Variants in TSKU observed in about 807,000 individuals in gnomAD.
TSKU encodes the protein tsukushi, small leucine rich proteoglycan.
A neutral mutation model predicts 11.2 loss-of-function variants in TSKU; 4 were observed. The observed-to-expected ratio is 0.36, with a 90% CI of 0.18 to 0.82. The LOEUF (loss-of-function observed/expected upper bound fraction) is 0.82, where lower values mean the gene tolerates loss of function less well. Ranked by LOEUF, TSKU falls within the 40% of genes least tolerant of loss-of-function variation. TSKU has a pLI of 0.50. For synonymous variants in TSKU, 220 were observed against 232.2 expected, an observed-to-expected ratio of 0.95 and a Z score of 0.48; for missense variants, 407 against 482.5, an observed-to-expected ratio of 0.84 and a Z score of 1.47.
In TSKU at chr11:76,797,525, G is replaced by C. The variant is rs78040185; in HGVS notation, c.*847G>C. 0.017 allele frequency: 2,909 copies of C among 167,302 alleles called. 69 individuals are homozygous for C. Among genetic ancestry groups the C allele is most frequent in the East Asian group, 0.062 (320 of 5,190 alleles). 10.4% of individuals were successfully genotyped at this position (167,302 alleles called of 1,614,324 possible). A position where few individuals can be genotyped will look rare whatever the true frequency, so the allele number is the denominator to read the frequency against. ...GCCCTTCGGAGCCTCTGGAAGCTTAGGGCACATTGGTTCCAGCCTAGCCAG... is the reference window on the plus strand; with the variant it reads ...GCCCTTCGGAGCCTCTGGAAGCTTACGGCACATTGGTTCCAGCCTAGCCAG... On this transcript the variant is annotated 3_prime_UTR_variant, in exon 2 of 2. Transcript: ENST00000333090.
At chr11:76,791,077 A>G (rs1426682488) in intron 1 of TSKU, among the ~76,000 whole-genome samples, 2 of 152,214 alleles carry the variant, frequency 1.3e-5, no homozygotes, top group African/African-American at 4.8e-5. Flanking sequence ...GTTATGTTTT[A>G]GCAAAGAGAT....
intron 1 of TSKU, chr11:76,792,383 G>C (rs1307860303): frequency 6.6e-6 from 1 of 152,198 alleles, no homozygotes; most frequent in African/African-American, 2.4e-5. Flanking sequence ...TTGGACTGTG[G>C]ACTTTTGGGT....
At position 76,795,859 on chromosome 11, in the gene TSKU, G is replaced by A. The variant is rs143740250; in HGVS notation, c.243G>A (p.Pro81=). 45 of 1,613,658 alleles carry A rather than the reference G, an allele frequency of 2.8e-5. No homozygotes were observed. The highest frequency in any genetic ancestry group is 3.3e-4 in the Middle Eastern group (2 of 6,082). Residue 81 remains proline (P), a synonymous_variant, in exon 2 of 2, where the codon CCG becomes CCA. Transcript: ENST00000333090. Reference sequence around the variant, plus strand: ...TGAATGAGTCGGTGTTGGCGGGGCCGGGCTACACGACGTTGGCTGGCCTGG... The same window carrying A: ...TGAATGAGTCGGTGTTGGCGGGGCCAGGCTACACGACGTTGGCTGGCCTGG... ...EMVNESVLAG[P]GYTTLAGLDL...
chr11:76,793,405 G>A (rs11824342), intron 1 of TSKU, among the ~76,000 whole-genome samples: 5,635 of 152,312 alleles, frequency 0.037, 314 homozygotes, highest in African/African-American at 0.12. Flanking sequence ...GAGGGGCAGC[G>A]AGAGGTCCCC....
Position 76,796,783 on chromosome 11 carries a change from C to T in TSKU, c.*105C>T. ...CCAACACCAGTGGGGAGCCCGCAGG[C>T]CTATGTGGCAGCGTCACCACAGGAG... is the stretch of plus-strand genomic sequence containing the variant. On this transcript the variant is annotated 3_prime_UTR_variant, in exon 2 of 2. Transcript: ENST00000333090. The surrounding 1 kb of genome is among the most constrained non-coding windows in gnomAD (Gnocchi z 4.1). 3 of 891,516 alleles carry T rather than the reference C, an allele frequency of 3.4e-6. No homozygotes were observed. The highest frequency in any genetic ancestry group is 4.7e-6 in the Non-Finnish European group (3 of 635,606). 55.2% of individuals were successfully genotyped at this position (891,516 alleles called of 1,614,324 possible).
At chr11:76,790,808 A>G (rs970296488) in intron 1 of TSKU, among the ~76,000 whole-genome samples, 31 of 152,202 alleles carry the variant, frequency 2.0e-4, no homozygotes, top group African/African-American at 7.5e-4. Flanking sequence ...GTAAATTGGT[A>G]CCAGTAGAGT....
intron 1 of TSKU, among the ~76,000 whole-genome samples, chr11:76,785,319 A>G (rs539193692): frequency 4.6e-5 from 7 of 152,210 alleles, no homozygotes; most frequent in Non-Finnish European, 1.0e-4. Context: ...TTAAGAGTTC[A>G]TGCTTCAGTT....
In TSKU at chr11:76,796,936, T is replaced by C; in HGVS notation, c.*258T>C. 2.9e-6 allele frequency: 1 copy of C among 342,490 alleles called. No homozygotes were observed. 21.2% of individuals were successfully genotyped at this position (342,490 alleles called of 1,614,324 possible). ...GATGCCAAACCAGACTCGGGTCCCC[T>C]CCTGCTTCCCTTCCCCACTTATCCC... is the stretch of plus-strand genomic sequence containing the variant. On this transcript the variant is annotated 3_prime_UTR_variant, in exon 2 of 2. Transcript: ENST00000333090. This position sits in a 1 kb window ranked among gnomAD's most constrained non-coding sequence, Gnocchi z 4.1.
intron 1 of TSKU, among the ~76,000 whole-genome samples, chr11:76,788,223 C>G (rs1335593765): frequency 6.6e-6 from 1 of 151,896 alleles, no homozygotes; most frequent in Non-Finnish European, 1.5e-5. Flanking sequence ...GAGACAAAGG[C>G]CGGTCTCGGG....
intron 1 of TSKU, among the ~76,000 whole-genome samples, chr11:76,793,722 C>G (rs1005729223): frequency 6.6e-6 from 1 of 152,126 alleles, no homozygotes; most frequent in African/African-American, 2.4e-5. Context: ...TTGGAACACT[C>G]TGTCCTGCCT....
chr11:76,793,372 A>G (rs942818819), intron 1 of TSKU, among the ~76,000 whole-genome samples: 7 of 152,244 alleles, frequency 4.6e-5, no homozygotes, highest in African/African-American at 7.2e-5. Flanking sequence ...CCTGTAGTGC[A>G]GAGGACAAGG....
In TSKU at chr11:76,795,663, C is replaced by A; in HGVS notation, c.47C>A (p.Thr16Lys). ...CTGCTGGCCGTGAGTGGGGCCCAGA[C>A]AACCCGGCCATGCTTCCCCGGGTGC... ...LLLLAVSGAQ[T>K]TRPCFPGCQC... The change falls in exon 2 of 2, where the codon ACA becomes AAA. Residue 16 changes from threonine (T) to lysine (K), a missense_variant. Transcript: ENST00000333090. 1 of 1,613,778 alleles carries A rather than the reference C, an allele frequency of 6.2e-7. No homozygotes were observed. The highest frequency in any genetic ancestry group is 8.5e-7 in the Non-Finnish European group (1 of 1,180,016).
intron 1 of TSKU, among the ~76,000 whole-genome samples, chr11:76,795,280 C>T (rs1000352507): frequency 6.6e-6 from 1 of 152,218 alleles, no homozygotes; most frequent in Non-Finnish European, 1.5e-5. Flanking sequence ...ACACCCTAGG[C>T]AGGGATGGTG....
Position 76,796,002 on chromosome 11 carries a change from C to T in TSKU, c.386C>T (p.Thr129Ile), listed in dbSNP as rs749669632. 6.2e-7 allele frequency: 1 copy of T among 1,613,664 alleles called. No individual in the cohort carries two copies. The highest frequency in any genetic ancestry group is 8.5e-7 in the Non-Finnish European group (1 of 1,179,942). The change falls in exon 2 of 2, where the codon ACC (threonine) becomes ATC (isoleucine). Residue 129 changes from threonine to isoleucine, a missense_variant. By Grantham distance (89) the Thr-to-Ile change is moderately conservative. Coordinates refer to ENST00000333090, the MANE Select transcript of TSKU (RefSeq NM_015516.4). The surrounding 1 kb of genome is among the most constrained non-coding windows in gnomAD (Gnocchi z 4.1). ...ACAGCCCTGCCAGCCGAGAGCTTCACCAGCTCACCCCTGAGCGACGTGAAC... is the reference window on the plus strand; with the variant it reads ...ACAGCCCTGCCAGCCGAGAGCTTCATCAGCTCACCCCTGAGCGACGTGAAC... Reference protein sequence around the residue: ...GLTALPAESFTSSPLSDVNLS... With the variant: ...GLTALPAESFISSPLSDVNLS...
rs562159885 is a variant in TSKU, at chr11:76,788,205, A to G, written c.-9+4801A>G. Among the ~76,000 whole-genome samples, 21 of 150,856 alleles carry G rather than the reference A, an allele frequency of 1.4e-4. 1 individual carries two copies. The highest frequency in any genetic ancestry group is 1.1e-3 in the Admixed American group (16 of 15,104). ...GGGAGGCAGCTCTGTGTTGAGGAAC[A>G]GCTGATCGAGACAAAGGCCGGTCTC... On this transcript the variant is annotated intron_variant, in intron 1 of 1. Coordinates refer to ENST00000333090, the MANE Select transcript of TSKU (RefSeq NM_015516.4).
Position 76,796,167 on chromosome 11 carries a change from C to A in TSKU, c.551C>A (p.Pro184His). ...CCCACGAGGGCCGGCCTGCCTGCGC[C>A]CACCATTCAGAGCCTGAACCTGGCC... ...PHPTRAGLPA[P>H]TIQSLNLAWN... The change falls in exon 2 of 2, where the codon CCC (proline) becomes CAC (histidine). Residue 184 changes from proline to histidine, a missense_variant. By Grantham distance (77) the Pro-to-His change is moderately conservative (BLOSUM62 -2). Transcript: ENST00000333090. This position sits in a 1 kb window ranked among gnomAD's most constrained non-coding sequence, Gnocchi z 4.1. The A allele has an allele frequency of 6.2e-7, 1 of 1,613,670 alleles. No homozygotes were observed. Among genetic ancestry groups the A allele is most frequent in the Admixed American group, 1.7e-5 (1 of 60,026 alleles).
At position 76,795,624 on chromosome 11, in the gene TSKU, G is replaced by A; in HGVS notation, c.8G>A (p.Trp3Ter). The change falls in exon 2 of 2, where the codon TGG becomes TAG. Residue 3 changes from tryptophan (W) to a stop codon, truncating the protein, a stop_gained. Coordinates refer to ENST00000333090, the MANE Select transcript of TSKU (RefSeq NM_015516.4). LOFTEE classifies it high-confidence loss of function. MP[W>*]PLLLLLAVSG... ...CTCTTTCTAGCCCCCACCATGCCGTGGCCCCTGCTGCTGCTGCTGGCCGTG... is the reference window on the plus strand; with the variant it reads ...CTCTTTCTAGCCCCCACCATGCCGTAGCCCCTGCTGCTGCTGCTGGCCGTG... 2 of 1,610,658 alleles carry A rather than the reference G, an allele frequency of 1.2e-6. No homozygotes were observed. The highest frequency in any genetic ancestry group is 2.2e-5 in the South Asian group (2 of 91,054).
chr11:76,795,607 A>T lies in TSKU; in HGVS notation c.-8-2A>T, dbSNP rs778818837. 1 of 1,606,724 alleles carries T rather than the reference A, an allele frequency of 6.2e-7. No individual in the cohort carries two copies. On this transcript the variant is annotated splice_acceptor_variant, in intron 1 of 1. Transcript: ENST00000333090. LOFTEE classifies it low-confidence loss of function (5UTR_SPLICE). ...ATTCCTCACCTGTGGCTCTCTTTCTAGCCCCCACCATGCCGTGGCCCCTGC... is the reference window on the plus strand; with the variant it reads ...ATTCCTCACCTGTGGCTCTCTTTCTTGCCCCCACCATGCCGTGGCCCCTGC...
At chr11:76,793,152 A>G (rs770916383) in intron 1 of TSKU, among the ~76,000 whole-genome samples, 11 of 152,262 alleles carry the variant, frequency 7.2e-5, no homozygotes, top group Non-Finnish European at 1.3e-4. Context: ...AACCTAGTTC[A>G]GTGCCCTGGG....
Sources: gnomAD v4.1 joint callset for allele counts (sites outside exome capture counted in the v4.1 genomes callset) on GRCh38, gnomAD v4.1.1 for gene constraint, Gnocchi (gnomAD v3.1) non-coding constraint, MANE v1.5 for transcripts, NCBI Gene and HGNC (gene_info 2026-07-23, HGNC 2026-07-21) for gene names.